The following ARSK variants were observed in gnomAD, a reference collection of about 807,000 sequenced individuals.
ARSK encodes the protein arylsulfatase family member K.
In ARSK, 37 loss-of-function variants were observed where a neutral mutation model predicts 53.2. That is an observed-to-expected ratio of 0.70 (90% CI 0.54 to 0.92). The LOEUF (loss-of-function observed/expected upper bound fraction) is 0.92, where lower values mean the gene tolerates loss of function less well. Ranked by LOEUF, ARSK falls within the 40% of genes least tolerant of loss-of-function variation. The pLI, the probability that ARSK is intolerant of heterozygous loss-of-function variation, is 0.00. For missense variants in ARSK, 613 were observed against 643.0 expected (o/e 0.95, Z 0.51); for synonymous variants, 208 against 223.2 (o/e 0.93, Z 0.61).
chr5:95,597,479 T>A (rs1749329076), intron 6 of ARSK, among the ~76,000 whole-genome samples: 1 of 152,176 alleles, frequency 6.6e-6, no homozygotes, highest in Non-Finnish European at 1.5e-5. Context: ...TGGTGTAGTA[T>A]TAAAAGTACA....
chr5:95,590,012 T>C (rs1749184982), intron 5 of ARSK, among the ~76,000 whole-genome samples: 1 of 152,220 alleles, frequency 6.6e-6, no homozygotes, highest in African/African-American at 2.4e-5. Context: ...GTTTATTGAA[T>C]GAGCATAATC....
At chr5:95,586,369 A>AT (rs1749111064) in intron 4 of ARSK, among the ~76,000 whole-genome samples, 193 bp from the exon 5 acceptor site, 1 of 152,150 alleles carries the variant, frequency 6.6e-6, no homozygotes, top group South Asian at 2.1e-4. Context: ...ATTGATATAT[A>AT]CCTTTTGTTA....
At chr5:95,586,522 T>C in intron 4 of ARSK, 40 bp from the exon 5 acceptor site, 1 of 1,511,838 alleles carries the variant, frequency 6.6e-7, no homozygotes, top group Non-Finnish European at 9.1e-7. Flanking sequence ...GAAATAGCAC[T>C]ATTTTGCTAG....
intron 1 of ARSK, chr5:95,557,206 T>C (rs1034107060): frequency 3.3e-5 from 5 of 152,148 alleles, no homozygotes; most frequent in Non-Finnish European, 5.9e-5. Context: ...ATGTCCACAA[T>C]ACATATTTCC....
intron 1 of ARSK, among the ~76,000 whole-genome samples, chr5:95,565,438 T>C (rs1355038877): frequency 1.3e-5 from 2 of 152,210 alleles, no homozygotes; most frequent in Admixed American, 6.5e-5. Flanking sequence ...AAACTTTGTA[T>C]GTCCTTTAAA....
intron 6 of ARSK, among the ~76,000 whole-genome samples, chr5:95,594,987 T>A (rs1749281187): frequency 6.6e-6 from 1 of 152,236 alleles, no homozygotes; most frequent in Non-Finnish European, 1.5e-5. Flanking sequence ...AAATCCTAAT[T>A]TTAGGAAATA....
intron 3 of ARSK, among the ~76,000 whole-genome samples, chr5:95,580,656 G>C (rs1419959628): frequency 1.3e-5 from 2 of 152,180 alleles, no homozygotes; most frequent in Non-Finnish European, 2.9e-5. Context: ...TGCTTAGGCT[G>C]CATCTACTCC....
intron 1 of ARSK, among the ~76,000 whole-genome samples, chr5:95,558,489 A>C (rs538283870): frequency 6.6e-6 from 1 of 152,354 alleles, no homozygotes; most frequent in East Asian, 1.9e-4. Context: ...GAACAAGAAA[A>C]AAGACAAAAG....
chr5:95,582,573 G>GA (rs981781893), intron 3 of ARSK, among the ~76,000 whole-genome samples: 1 of 151,672 alleles, frequency 6.6e-6, no homozygotes, highest in Non-Finnish European at 1.5e-5. Flanking sequence ...TCTTCTAAGT[G>GA]AAAAAAAGAA....
At chr5:95,591,722 T>C (rs58373522) in intron 6 of ARSK, 97 bp downstream of exon 6, 203,944 of 1,139,804 alleles carry the variant, frequency 0.18, 22,799 homozygotes, top group African/African-American at 0.47. Flanking sequence ...TAGTCAGAGG[T>C]CCTGCTGACT....
chr5:95,601,841 T>A (rs1445419516), intron 7 of ARSK, among the ~76,000 whole-genome samples: 1 of 152,182 alleles, frequency 6.6e-6, no homozygotes, highest in Admixed American at 6.5e-5. Context: ...GATTCTTGGC[T>A]GAAAAAGGAA....
chr5:95,558,346 A>G (rs1159744266), intron 1 of ARSK, among the ~76,000 whole-genome samples: 2 of 152,226 alleles, frequency 1.3e-5, no homozygotes, highest in African/African-American at 4.8e-5. Flanking sequence ...CAAAGCAAGC[A>G]GAATGGAGGA....
At chr5:95,556,305 G>A (rs1748506692) in intron 1 of ARSK, 2 of 696,888 alleles carry the variant, frequency 2.9e-6, no homozygotes, top group Non-Finnish European at 5.2e-6. Flanking sequence ...TAGAGAATGG[G>A]CAGTACTGGA....
chr5:95,591,792 A>C (rs1429079044), intron 6 of ARSK, among the ~76,000 whole-genome samples, 167 bp downstream of exon 6: 1 of 152,174 alleles, frequency 6.6e-6, no homozygotes, highest in African/African-American at 2.4e-5. Flanking sequence ...TGAAGAATGA[A>C]GAGATTGTTT....
Position 95,603,601 on chromosome 5 carries a change from A to G in ARSK, c.*75A>G. On this transcript the variant is annotated 3_prime_UTR_variant, in exon 8 of 8. Coordinates refer to ENST00000380009, the MANE Select transcript of ARSK (RefSeq NM_198150.3). Reference sequence around the variant, plus strand: ...AGATCATAATTATGTATTTTAAATGAAACAGTTTTAATAATTACCAAGTTT... The same window carrying G: ...AGATCATAATTATGTATTTTAAATGGAACAGTTTTAATAATTACCAAGTTT... 7.5e-7 allele frequency: 1 copy of G among 1,325,886 alleles called. No individual in the cohort carries two copies. The highest frequency in any genetic ancestry group is 2.7e-5 in the East Asian group (1 of 37,590). 82.1% of individuals were successfully genotyped at this position (1,325,886 alleles called of 1,614,324 possible).
intron 3 of ARSK, among the ~76,000 whole-genome samples, chr5:95,577,243 T>C (rs532602122): frequency 1.6e-4 from 25 of 152,344 alleles, no homozygotes; most frequent in African/African-American, 5.8e-4. Context: ...TTTACAAAAA[T>C]TGTAAATGTT....
chr5:95,572,655 G>A (rs1205693266), intron 3 of ARSK, among the ~76,000 whole-genome samples: 1 of 152,192 alleles, frequency 6.6e-6, no homozygotes, highest in Admixed American at 6.5e-5. Context: ...GCGGGCCCCT[G>A]TAGTCCCAGC....
At position 95,555,331 on chromosome 5, in the gene ARSK, C is replaced by T. The variant is rs201158981; in HGVS notation, c.53C>T (p.Ala18Val). The change falls in exon 1 of 8, where the codon GCC (alanine) becomes GTC (valine). Residue 18 changes from alanine (A) to valine (V), a missense_variant. Transcript: ENST00000380009. The surrounding 1 kb of genome is among the most constrained non-coding windows in gnomAD (Gnocchi z 4.0). Reference protein sequence around the residue: ...VVAALALAVLAPGAGEQRRRA... With the variant: ...VVAALALAVLVPGAGEQRRRA... ...GCAGCCTTGGCGCTGGCGGTACTGG[C>T]CCCCGGAGCAGGGGAGCAGAGGCGG... 15 of 1,607,986 alleles carry T rather than the reference C, an allele frequency of 9.3e-6. No homozygotes were observed. Among genetic ancestry groups the T allele is most frequent in the East Asian group, 4.5e-5 (2 of 44,770 alleles).
intron 3 of ARSK, among the ~76,000 whole-genome samples, chr5:95,574,627 A>G (rs1748890933): frequency 6.6e-6 from 1 of 152,148 alleles, no homozygotes; most frequent in Non-Finnish European, 1.5e-5. Flanking sequence ...TCTATTTGCC[A>G]TTCGTATGTC....
Sources: allele counts gnomAD v4.1 joint callset (sites outside exome capture counted in the v4.1 genomes callset), GRCh38; gene constraint gnomAD v4.1.1; non-coding constraint Gnocchi (gnomAD v3.1); transcripts MANE v1.5; gene names NCBI Gene and HGNC (gene_info 2026-07-23, HGNC 2026-07-21).